The following PZP variants were observed in gnomAD, a reference collection of about 807,000 sequenced individuals.
PZP encodes the protein pregnancy zone protein.
A neutral mutation model predicts 179.8 loss-of-function variants in PZP; 150 were observed. That is an observed-to-expected ratio of 0.83 (90% CI 0.73 to 0.96). The LOEUF (loss-of-function observed/expected upper bound fraction) is 0.96. Among genes scored for constraint, PZP ranks in the 40% least tolerant of loss-of-function variants. The pLI is 0.00. For synonymous variants in PZP, 624 were observed against 652.3 expected (o/e 0.96, Z 0.66); for missense variants, 1,689 against 1,764.0 (o/e 0.96, Z 0.76).
chr12:9,163,846 A>C, intron 20 of PZP, 57 bp from the exon 21 acceptor site: 11 of 1,562,526 alleles, frequency 7.0e-6, no homozygotes, highest in Non-Finnish European at 9.5e-6. Flanking sequence ...AATCACCTTT[A>C]AGGGCTGCAC....
chr12:9,187,077 C>A (rs1241621823), intron 13 of PZP, among the ~76,000 whole-genome samples: 140 of 128,564 alleles, frequency 1.1e-3, no homozygotes, highest in African/African-American at 1.5e-3. Context: ...CAAGAAAGGT[C>A]AAAAAAAAAA....
At chr12:9,178,993 A>G (rs1473129790) in intron 15 of PZP, among the ~76,000 whole-genome samples, 1 of 152,238 alleles carries the variant, frequency 6.6e-6, no homozygotes, top group South Asian at 2.1e-4. Context: ...CCAACATTGA[A>G]AGGTAATAAT....
chr12:9,179,826 AC>A (rs1321209210), intron 15 of PZP, among the ~76,000 whole-genome samples: 2 of 152,242 alleles, frequency 1.3e-5, no homozygotes, highest in Non-Finnish European at 2.9e-5. Context: ...TCACTGTAAG[AC>A]ATTAATAACT....
chr12:9,163,097 A>G (rs1478552765), intron 21 of PZP, among the ~76,000 whole-genome samples: 1 of 151,860 alleles, frequency 6.6e-6, no homozygotes, highest in Admixed American at 6.6e-5. Context: ...GTAGAGAGAA[A>G]ATGGGAAGAG....
Position 9,162,613 on chromosome 12 carries a change from A to G in PZP, c.2772T>C (p.Ser924=), listed in dbSNP as rs10771381. The change falls in exon 22 of 36, where the codon TCT becomes TCC. Residue 924 remains serine, a synonymous_variant. Coordinates refer to ENST00000261336, the MANE Select transcript of PZP (RefSeq NM_002864.3). ...EGIEQEKTFS[S]MTCASGANVS... Reference sequence around the variant, plus strand: ...GACTCTTACCTGAGGCACAGGTCATAGAACTGAAAGTCTTTTCTTGCTCAA... The same window carrying G: ...GACTCTTACCTGAGGCACAGGTCATGGAACTGAAAGTCTTTTCTTGCTCAA... 0.42 allele frequency: 671,227 copies of G among 1,591,360 alleles called. 143,091 individuals carry two copies. The highest frequency in any genetic ancestry group is 0.46 in the East Asian group (20,582 of 44,662).
downstream of PZP, among the ~76,000 whole-genome samples, chr12:9,146,314 C>G (rs946474335): frequency 2.0e-4 from 30 of 151,556 alleles, 1 homozygote; most frequent in African/African-American, 6.8e-4. Context: ...CTATTGAACT[C>G]TTATAGTGAA....
chr12:9,165,625 C>T (rs992451203), intron 18 of PZP, among the ~76,000 whole-genome samples: 22 of 152,008 alleles, frequency 1.4e-4, no homozygotes, highest in Admixed American at 1.2e-3. Flanking sequence ...ATTTGAATTG[C>T]GATTCATTTT....
the PZP span, among the ~76,000 whole-genome samples, chr12:9,142,679 AT>A: frequency 1.3e-5 from 2 of 152,000 alleles, no homozygotes; most frequent in Non-Finnish European, 2.9e-5. Flanking sequence ...TAGTTATAAG[AT>A]TTTTTTTCTA....
At position 9,150,693 on chromosome 12, in the gene PZP, T is replaced by C. The variant is rs1592435288; in HGVS notation, c.4335A>G (p.Val1445=). ...TAACAATTGCTGGCTTCAAGTCTCCTACTGGGATGTCTTGCAGAACCATGA... is the reference window on the plus strand; with the variant it reads ...TAACAATTGCTGGCTTCAAGTCTCCCACTGGGATGTCTTGCAGAACCATGA... ...FSFMVLQDIP[V]GDLKPAIVKV... is the part of the protein sequence containing the mutation. The change falls in exon 34 of 36, where the codon GTA becomes GTG. Residue 1445 remains valine, a synonymous_variant. Coordinates refer to ENST00000261336, the MANE Select transcript of PZP (RefSeq NM_002864.3). The C allele has an allele frequency of 6.2e-7, 1 of 1,613,280 alleles. No individual in the cohort carries two copies. Among genetic ancestry groups the C allele is most frequent in the African/African-American group, 1.3e-5 (1 of 75,018 alleles).
chr12:9,193,845 A>T (rs958330505), intron 11 of PZP, among the ~76,000 whole-genome samples: 12 of 152,216 alleles, frequency 7.9e-5, no homozygotes, highest in Admixed American at 7.9e-4. Flanking sequence ...GATTTTTTTC[A>T]TACTATATAA....
chr12:9,197,464 A>C (rs1325637528), intron 7 of PZP, among the ~76,000 whole-genome samples: 1 of 131,144 alleles, frequency 7.6e-6, no homozygotes, highest in Non-Finnish European at 1.5e-5. Context: ...ATATATAATA[A>C]TATAATATAT....
intron 5 of PZP, 26 bp from the exon 6 acceptor site, chr12:9,201,086 G>A (rs768737137): frequency 6.8e-6 from 11 of 1,611,994 alleles, no homozygotes; most frequent in East Asian, 2.2e-5. Flanking sequence ...AAACATGGGC[G>A]GTAATCATTT....
chr12:9,151,529 C>T lies in PZP; in HGVS notation c.4281+75G>A, dbSNP rs562429333. The T allele has an allele frequency of 5.1e-5, 63 of 1,224,824 alleles. No individual in the cohort carries two copies. In the African/African-American group the frequency reaches 6.2e-4, roughly 12 times the overall value. The allele number at this position is 1,224,824 out of a possible 1,614,324, so 75.9% of individuals were successfully genotyped here. On this transcript the variant is annotated intron_variant, in intron 33 of 35. Coordinates refer to ENST00000261336, the MANE Select transcript of PZP (RefSeq NM_002864.3). ...CTAATGATTGTTTTCCTCATGTTAC[C>T]GACTATTCTAGTAAAGAGACTCACT...
Position 9,166,111 on chromosome 12 carries a change from G to A in PZP, c.2199C>T (p.Val733=), listed in dbSNP as rs769957734. 23 of 1,613,364 alleles carry A rather than the reference G, an allele frequency of 1.4e-5. No individual in the cohort carries two copies. The highest frequency in any genetic ancestry group is 1.9e-5 in the Non-Finnish European group (23 of 1,179,926). The change falls in exon 18 of 36, where the codon GTC becomes GTT. Residue 733 remains valine, a synonymous_variant. Coordinates refer to ENST00000261336, the MANE Select transcript of PZP (RefSeq NM_002864.3). ...PLNNEQSSGP[V]PETVRSYFPE... ...GAAAATAGCTTCGCACCGTTTCAGG[G>A]ACTGGCCCTGAACTTTGTTCATTAT... is the stretch of plus-strand genomic sequence containing the variant.
Position 9,205,271 on chromosome 12 carries a change from C to T in PZP, c.84-1320G>A, listed in dbSNP as rs147025623. On this transcript the variant is annotated intron_variant, in intron 1 of 35. Transcript: ENST00000261336. ...ATGAGTGTCCTTTGTCTCTAATGCC[C>T]CCCACTCCATATTTTCCTGTCACTT... 3.4e-3 allele frequency among the ~76,000 whole-genome samples: 517 copies of T among 152,114 alleles called. 4 individuals are homozygous for T. Among genetic ancestry groups the T allele is most frequent in the African/African-American group, 0.012 (490 of 41,484 alleles).
rs750376948 is a variant in PZP at position 9,186,079 on chromosome 12, T to A, written c.1547-3962A>T. ...CCTTGACCCCCCAAAGTGCTGGGAT[T>A]ACAGGTATGAGCCACTGCACCTGGC... On this transcript the variant is annotated intron_variant, in intron 13 of 35. Transcript: ENST00000261336. 9.9e-5 allele frequency among the ~76,000 whole-genome samples: 15 copies of A among 152,144 alleles called. 1 individual carries two copies. The East Asian group carries it at 2.7e-3, about 27-fold the overall frequency.
chr12:9,157,565 G>A (rs948043558), intron 27 of PZP, among the ~76,000 whole-genome samples: 1 of 152,176 alleles, frequency 6.6e-6, no homozygotes. Flanking sequence ...CTGTTTTTAG[G>A]ATTGGTTTTG....
chr12:9,205,750 T>C (rs988855065), intron 1 of PZP, among the ~76,000 whole-genome samples: 2 of 152,208 alleles, frequency 1.3e-5, no homozygotes, highest in Non-Finnish European at 2.9e-5. Flanking sequence ...AACTCTTACT[T>C]TTTAAATTGT....
the PZP span, among the ~76,000 whole-genome samples, chr12:9,143,711 A>G: frequency 6.6e-6 from 1 of 152,164 alleles, no homozygotes; most frequent in Admixed American, 6.5e-5. Flanking sequence ...ATTAGCTGTC[A>G]TTATCTAATT....
Sources: allele counts gnomAD v4.1 joint callset (sites outside exome capture counted in the v4.1 genomes callset), GRCh38; gene constraint gnomAD v4.1.1; transcripts MANE v1.5; gene names NCBI Gene and HGNC (gene_info 2026-07-23, HGNC 2026-07-21).